TASP1: variants seen among roughly 807,000 people sequenced by gnomAD.
TASP1 encodes the protein taspase 1.
TASP1 carries 16 observed loss-of-function variants against 56.6 expected under a neutral mutation model. The ratio of observed to expected loss-of-function variants is 0.28; its 90% CI spans 0.19 to 0.43. The LOEUF is 0.43. Among genes scored for constraint, TASP1 ranks in the 20% least tolerant of loss-of-function variants. TASP1 has a pLI of 1.00. For synonymous variants in TASP1, 179 were observed against 184.2 expected (o/e 0.97, Z 0.23); for missense variants, 393 against 511.6 (o/e 0.77, Z 2.24).
At chr20:13,199,719 A>T in the TASP1 span, among the ~76,000 whole-genome samples, 1 of 152,182 alleles carries the variant, frequency 6.6e-6, no homozygotes, top group South Asian at 2.1e-4. Flanking sequence ...TTGAATCTTA[A>T]ACCCTTCTTG....
At chr20:13,311,994 T>C in the TASP1 span, among the ~76,000 whole-genome samples, 10 of 152,212 alleles carry the variant, frequency 6.6e-5, no homozygotes, top group Non-Finnish European at 1.2e-4. Context: ...TTTCCCACAA[T>C]GTATACACAT....
At chr20:13,393,090 T>C (rs2041355916) in intron 13 of TASP1, 4 of 618,752 alleles carry the variant, frequency 6.5e-6, no homozygotes, top group Non-Finnish European at 1.2e-5. Flanking sequence ...CCATGAGAAG[T>C]ATGACAACAG....
the TASP1 span, among the ~76,000 whole-genome samples, chr20:13,281,477 A>G: frequency 2.0e-5 from 3 of 152,164 alleles, no homozygotes; most frequent in Non-Finnish European, 2.9e-5. Context: ...CACATATACT[A>G]TTTCATTAAA....
intron 10 of TASP1, among the ~76,000 whole-genome samples, chr20:13,521,812 AT>A (rs1022207231): frequency 6.6e-6 from 1 of 151,856 alleles, no homozygotes; most frequent in African/African-American, 2.4e-5. Flanking sequence ...AATTAAACCA[AT>A]TTTTTAAAAA....
At chr20:13,430,822 T>A (rs911914325) in intron 12 of TASP1, among the ~76,000 whole-genome samples, 16 of 152,208 alleles carry the variant, frequency 1.1e-4, no homozygotes, top group African/African-American at 3.9e-4. Context: ...ATTCTATTCA[T>A]GAATCAGTAG....
the TASP1 span, among the ~76,000 whole-genome samples, chr20:13,180,079 G>A: frequency 6.6e-6 from 1 of 152,024 alleles, no homozygotes; most frequent in African/African-American, 2.4e-5. Flanking sequence ...CTGATTCTAG[G>A]GGTCAACAGT....
chr20:13,192,749 G>A, the TASP1 span, among the ~76,000 whole-genome samples: 1 of 150,446 alleles, frequency 6.6e-6, no homozygotes, highest in South Asian at 2.1e-4. Flanking sequence ...TTTTTGTAGA[G>A]AAAGGGTCTC....
At chr20:13,342,313 C>T in the TASP1 span, among the ~76,000 whole-genome samples, 1 of 152,196 alleles carries the variant, frequency 6.6e-6, no homozygotes, top group Non-Finnish European at 1.5e-5. Context: ...TGACTTTTAG[C>T]TATTTCCAGG....
chr20:13,375,716 C>T, the TASP1 span, among the ~76,000 whole-genome samples: 1 of 152,200 alleles, frequency 6.6e-6, no homozygotes, highest in African/African-American at 2.4e-5. Flanking sequence ...TAAAAGCGTT[C>T]CTAATTCTCC....
At chr20:13,189,875 T>A in the TASP1 span, among the ~76,000 whole-genome samples, 3 of 152,254 alleles carry the variant, frequency 2.0e-5, no homozygotes, top group African/African-American at 7.2e-5. Context: ...GCACTATTCA[T>A]AATAGCAAAG....
intron 12 of TASP1, among the ~76,000 whole-genome samples, chr20:13,423,356 A>G (rs1443813152): frequency 6.6e-6 from 1 of 152,228 alleles, no homozygotes; most frequent in Non-Finnish European, 1.5e-5. Context: ...TCACAAAGTA[A>G]TAATTGCTCT....
the TASP1 span, among the ~76,000 whole-genome samples, chr20:13,366,034 C>T: frequency 6.6e-6 from 1 of 152,098 alleles, no homozygotes; most frequent in East Asian, 1.9e-4. Context: ...TTTACCTGAG[C>T]AACTGGGCAA....
chr20:13,202,147 C>A, the TASP1 span, among the ~76,000 whole-genome samples: 1 of 152,116 alleles, frequency 6.6e-6, no homozygotes, highest in Non-Finnish European at 1.5e-5. Flanking sequence ...TATTTAGCAA[C>A]CAGCTTTGCA....
intron 6 of TASP1, among the ~76,000 whole-genome samples, chr20:13,575,047 C>T (rs2046848284): frequency 6.6e-6 from 1 of 152,080 alleles, no homozygotes; most frequent in South Asian, 2.1e-4. Context: ...CACTCATAAA[C>T]ATATATGTAA....
intron 10 of TASP1, among the ~76,000 whole-genome samples, chr20:13,515,222 T>C (rs2044476817): frequency 6.6e-6 from 1 of 152,106 alleles, no homozygotes; most frequent in African/African-American, 2.4e-5. Flanking sequence ...GTAGTCTCCA[T>C]ACATGCTAGA....
chr20:13,417,626 C>G, intron 12 of TASP1, 105 bp from the exon 13 acceptor site: 2 of 1,146,686 alleles, frequency 1.7e-6, no homozygotes, highest in Non-Finnish European at 2.5e-6. Flanking sequence ...TTAACACACT[C>G]AGTTCCCCAC....
chr20:13,250,501 C>A, the TASP1 span, among the ~76,000 whole-genome samples: 2 of 152,164 alleles, frequency 1.3e-5, no homozygotes, highest in Non-Finnish European at 2.9e-5. Flanking sequence ...CATGGCAACA[C>A]AGTTAAGCAT....
At chr20:13,222,401 AT>A in the TASP1 span, among the ~76,000 whole-genome samples, 6 of 152,060 alleles carry the variant, frequency 3.9e-5, no homozygotes, top group African/African-American at 9.6e-5. Flanking sequence ...TCAGGACATA[AT>A]TTCCCAAGGA....
chr20:13,169,066 T>C, the TASP1 span: 2 of 152,038 alleles, frequency 1.3e-5, no homozygotes, highest in Non-Finnish European at 2.9e-5. Flanking sequence ...GCCTGTAAAA[T>C]GTTAGTTTTA....
Sources: allele counts gnomAD v4.1 joint callset (sites outside exome capture counted in the v4.1 genomes callset), GRCh38; gene constraint gnomAD v4.1.1; transcripts MANE v1.5; gene names NCBI Gene and HGNC (gene_info 2026-07-23, HGNC 2026-07-21).